CIRBP: variants seen among roughly 807,000 people sequenced by gnomAD.
CIRBP encodes the protein cold inducible RNA binding protein.
In CIRBP, 11 loss-of-function variants were observed where a neutral mutation model predicts 22.3. That is an observed-to-expected ratio of 0.49 (90% confidence interval 0.31 to 0.82). The LOEUF is 0.82. CIRBP is among the 40% of genes least tolerant of loss of function. The pLI, the probability that CIRBP is intolerant of heterozygous loss-of-function variation, is 0.05. For missense variants in CIRBP, 456 were observed against 402.7 expected, an observed-to-expected ratio of 1.13 and a Z score of -1.13; for synonymous variants, 216 against 158.8, an observed-to-expected ratio of 1.36 and a Z score of -2.71.
At position 1,274,603 on chromosome 19, in the gene CIRBP, C is replaced by A; in HGVS notation, c.*2160C>A. 1 of 294,984 alleles carries A rather than the reference C, an allele frequency of 3.4e-6. No individual in the cohort carries two copies. Among genetic ancestry groups the A allele is most frequent in the Non-Finnish European group, 6.2e-6 (1 of 160,256 alleles). 18.3% of individuals were successfully genotyped at this position (294,984 alleles called of 1,614,324 possible). A position where few individuals can be genotyped will look rare whatever the true frequency, so the allele number is the denominator to read the frequency against. ...CGCCTCCCGGGAGCGCCGGGTCCCCCGCCTGGAGCCCGCGCCTGTTCTCCC... is the reference window on the plus strand; with the variant it reads ...CGCCTCCCGGGAGCGCCGGGTCCCCAGCCTGGAGCCCGCGCCTGTTCTCCC... On this transcript the variant is annotated 3_prime_UTR_variant, in exon 6 of 6. Transcript: ENST00000587896.
intron 1 of CIRBP, 50 bp from the exon 2 acceptor site, chr19:1,270,878 A>T: frequency 9.3e-7 from 1 of 1,079,792 alleles, no homozygotes; most frequent in Non-Finnish European, 1.4e-6. Context: ...AAGCGGGGAG[A>T]GGTGGTGAGA....
Position 1,272,181 on chromosome 19 carries a change from A to G in CIRBP, c.632A>G (p.His211Arg), listed in dbSNP as rs756835485. ...CACTGTGCTTGCCCAGAAGAGGCGC[A>G]TCTGTCCTCTCAGAGCCATTTCTAT... ...PCHCACPEEA[H>R]LSSQSHFYRR... Residue 211 changes from histidine to arginine, a missense_variant, in exon 6 of 6, where the codon CAT becomes CGT. By Grantham distance (29) the His-to-Arg change is conservative (BLOSUM62 0). Around this residue, in one of 2 missense-constraint regions of CIRBP, gnomAD observed 426 missense variants for 339.6 expected, o/e 1.25. Coordinates refer to ENST00000587896, the MANE Select transcript of CIRBP (RefSeq NM_001300829.2). 6 of 1,600,938 alleles carry G rather than the reference A, an allele frequency of 3.7e-6. No homozygotes were observed. The highest frequency in any genetic ancestry group is 5.1e-6 in the Non-Finnish European group (6 of 1,174,350).
chr19:1,269,672 C>T (rs1382741890), intron 1 of CIRBP, among the ~76,000 whole-genome samples: 1 of 151,848 alleles, frequency 6.6e-6, no homozygotes, highest in African/African-American at 2.4e-5. Flanking sequence ...AGCGAAATGG[C>T]GGGAGCGCCG....
rs2081384740 is a variant in CIRBP at position 1,274,093 on chromosome 19, C to G, written c.*1650C>G. The G allele has an allele frequency of 2.6e-6, 1 of 386,872 alleles. No homozygotes were observed. Among genetic ancestry groups the G allele is most frequent in the Admixed American group, 4.5e-5 (1 of 22,306 alleles). The allele number at this position is 386,872 out of a possible 1,614,324, so 24.0% of individuals were successfully genotyped here. On this transcript the variant is annotated 3_prime_UTR_variant, in exon 6 of 6. Coordinates refer to ENST00000587896, the MANE Select transcript of CIRBP (RefSeq NM_001300829.2). ...AGTTTTTTTCTAGAGCCCACACTGG[C>G]CCACATAGCTCCATCCCATACGGGT...
In CIRBP at chr19:1,272,260, GC is replaced by G; in HGVS notation, c.714del (p.Ala239LeufsTer36). The G allele has an allele frequency of 1.2e-6, 2 of 1,610,260 alleles. No individual in the cohort carries two copies. The highest frequency in any genetic ancestry group is 1.7e-4 in the Middle Eastern group (1 of 6,056). ...ACCAAAAAGGCAAGGGAGAGCGAGG[GC>G]CCGCTGGGCAGTCAGCTAGGTGCAT... Reference protein sequence around the residue: ...TDQKGKGERGPAGQSARCMCG... With the variant: ...TDQKGKGERGXAGQSARCMCG... On this transcript the variant is annotated frameshift_variant, in exon 6 of 6. Coordinates refer to ENST00000587896, the MANE Select transcript of CIRBP (RefSeq NM_001300829.2). LOFTEE classifies it low-confidence loss of function (END_TRUNC).
intron 5 of CIRBP, 79 bp from the exon 6 acceptor site, chr19:1,271,902 G>A: frequency 2.3e-6 from 3 of 1,298,594 alleles, no homozygotes; most frequent in Admixed American, 3.7e-5. Context: ...GCTGGCATGG[G>A]GGCTGGCGGC....
At chr19:1,270,402 G>A (rs897523312) in intron 1 of CIRBP, among the ~76,000 whole-genome samples, 1 of 152,192 alleles carries the variant, frequency 6.6e-6, no homozygotes, top group African/African-American at 2.4e-5. Flanking sequence ...GGGGAAGGGA[G>A]ACACCCATTG....
chr19:1,272,992 C>A lies in CIRBP; in HGVS notation c.*549C>A, dbSNP rs951753389. The A allele has an allele frequency of 6.5e-6, 1 of 153,250 alleles. No individual in the cohort carries two copies. The highest frequency in any genetic ancestry group is 6.5e-5 in the Admixed American group (1 of 15,420). The allele number at this position is 153,250 out of a possible 1,614,324, so 9.5% of individuals were successfully genotyped here. On this transcript the variant is annotated 3_prime_UTR_variant, in exon 6 of 6. Transcript: ENST00000587896. Reference sequence around the variant, plus strand: ...AGCCCCTGCGTCCATCTGTGCTGTGCGCCCCACAGTAGACGTGCAGACGTC... The same window carrying A: ...AGCCCCTGCGTCCATCTGTGCTGTGAGCCCCACAGTAGACGTGCAGACGTC...
rs2081354312 is a variant in CIRBP, at chr19:1,272,213, A to T, written c.664A>T (p.Thr222Ser). The change falls in exon 6 of 6, where the codon ACG becomes TCG. Residue 222 changes from threonine (T) to serine (S), a missense_variant. Physicochemically the swap from Thr to Ser is moderately conservative, Grantham distance 58. Coordinates refer to ENST00000587896, the MANE Select transcript of CIRBP (RefSeq NM_001300829.2). ...LSSQSHFYRR[T>S]QKPNETDQKG... is the part of the protein sequence containing the mutation. ...CTCTCAGAGCCATTTCTATCGCAGGACGCAAAAGCCAAATGAGACTGACCA... is the reference window on the plus strand; with the variant it reads ...CTCTCAGAGCCATTTCTATCGCAGGTCGCAAAAGCCAAATGAGACTGACCA... 6.3e-7 allele frequency: 1 copy of T among 1,594,254 alleles called. No individual in the cohort carries two copies. The highest frequency in any genetic ancestry group is 1.1e-5 in the South Asian group (1 of 90,028).
intron 1 of CIRBP, chr19:1,269,712 C>T (rs1337565063): frequency 8.4e-6 from 3 of 355,264 alleles, no homozygotes; most frequent in Non-Finnish European, 1.7e-5. Flanking sequence ...GCAGGGTGCG[C>T]GCGGGGCGCA....
rs1211175185 is a variant in CIRBP at position 1,272,028 on chromosome 19, A to T, written c.479A>T (p.Tyr160Phe). 6.2e-7 allele frequency: 1 copy of T among 1,614,000 alleles called. No homozygotes were observed. The highest frequency in any genetic ancestry group is 1.7e-5 in the Admixed American group (1 of 60,010). ...GYSDRSSGGS[Y>F]RDSYDSYGKS... ...AGTGACCGGAGCTCGGGCGGGTCCT[A>T]CAGAGACAGTTATGACAGTTACGGT... The change falls in exon 6 of 6, where the codon TAC (tyrosine) becomes TTC (phenylalanine). Residue 160 changes from tyrosine (Y) to phenylalanine (F), a missense_variant. Coordinates refer to ENST00000587896, the MANE Select transcript of CIRBP (RefSeq NM_001300829.2).
chr19:1,271,400 T>C lies in CIRBP; in HGVS notation c.282T>C (p.Arg94=), dbSNP rs1245475693. Residue 94 remains arginine (R), a synonymous_variant, in exon 4 of 6, where the codon CGT becomes CGC. Transcript: ENST00000587896. ...KSSDNRSRGY[R]GGSAGGRGFF... ...CAGACAACCGATCCCGTGGGTACCG[T>C]GGTGGCTCTGCCGGGGGCCGGGGCT... The C allele has an allele frequency of 1.9e-6, 3 of 1,613,620 alleles. No homozygotes were observed. In the Admixed American group the frequency reaches 5.0e-5, roughly 27 times the overall value.
chr19:1,272,340 G>A lies in CIRBP; in HGVS notation c.791G>A (p.Arg264His), dbSNP rs148277498. 38 of 1,613,492 alleles carry A rather than the reference G, an allele frequency of 2.4e-5. No homozygotes were observed. The highest frequency in any genetic ancestry group is 1.9e-4 in the African/African-American group (14 of 75,048). ...TGTGGGGGGTGGTTGCTCCCCGGCC[G>A]CAGGCCGCGCCCTGGTCTGGCCTCT... ...LGCGGWLLPG[R>H]RPRPGLASGV... is the part of the protein sequence containing the mutation. The change falls in exon 6 of 6, where the codon CGC becomes CAC. Residue 264 changes from arginine (R) to histidine (H), a missense_variant. Physicochemically the swap from Arg to His is conservative, Grantham distance 29. Around this residue, in one of 2 missense-constraint regions of CIRBP, gnomAD observed 426 missense variants for 339.6 expected, o/e 1.25. Coordinates refer to ENST00000587896, the MANE Select transcript of CIRBP (RefSeq NM_001300829.2).
chr19:1,270,999 G>A lies in CIRBP; in HGVS notation c.66G>A (p.Leu22=). ...GTTTTGACACCAATGAGCAGTCGCT[G>A]GAGCAGGTCTTCTCAAAGTACGGAC... ...GLSFDTNEQS[L]EQVFSKYGQI... Residue 22 remains leucine (L), a synonymous_variant, in exon 2 of 6, where the codon CTG becomes CTA. Coordinates refer to ENST00000587896, the MANE Select transcript of CIRBP (RefSeq NM_001300829.2). 6.2e-7 allele frequency: 1 copy of A among 1,614,066 alleles called. No homozygotes were observed. Among genetic ancestry groups the A allele is most frequent in the Non-Finnish European group, 8.5e-7 (1 of 1,180,012 alleles).
Position 1,270,965 on chromosome 19 carries a change from G to T in CIRBP, c.32G>T (p.Gly11Val). The T allele has an allele frequency of 6.2e-7, 1 of 1,614,080 alleles. No homozygotes were observed. Among genetic ancestry groups the T allele is most frequent in the Middle Eastern group, 1.6e-4 (1 of 6,062 alleles). MASDEGKLFV[G>V]GLSFDTNEQS... is the part of the protein sequence containing the mutation. ...TCAGATGAAGGCAAACTTTTTGTTGGAGGGCTGAGTTTTGACACCAATGAG... is the reference window on the plus strand; with the variant it reads ...TCAGATGAAGGCAAACTTTTTGTTGTAGGGCTGAGTTTTGACACCAATGAG... The change falls in exon 2 of 6, where the codon GGA becomes GTA. Residue 11 changes from glycine to valine, a missense_variant. Around this residue, in one of 2 missense-constraint regions of CIRBP, gnomAD observed 30 missense variants for 63.1 expected, o/e 0.48. Coordinates refer to ENST00000587896, the MANE Select transcript of CIRBP (RefSeq NM_001300829.2).
At chr19:1,270,847 A>T in intron 1 of CIRBP, 81 bp from the exon 2 acceptor site, 1 of 884,232 alleles carries the variant, frequency 1.1e-6, no homozygotes, top group Non-Finnish European at 1.9e-6. Context: ...TAAAAAACAC[A>T]TGTCATTTAC....
chr19:1,271,291 G>T (rs768061355), intron 3 of CIRBP, 38 bp from the exon 4 acceptor site: 1 of 1,613,996 alleles, frequency 6.2e-7, no homozygotes, highest in Non-Finnish European at 8.5e-7. Flanking sequence ...CGAGGATGGG[G>T]CACCCACCTG....
rs978296765 is a variant in CIRBP at position 1,274,233 on chromosome 19, T to C, written c.*1790T>C. The C allele has an allele frequency of 2.5e-6, 1 of 400,638 alleles. No individual in the cohort carries two copies. The highest frequency in any genetic ancestry group is 4.4e-6 in the Non-Finnish European group (1 of 226,080). 24.8% of individuals were successfully genotyped at this position (400,638 alleles called of 1,614,324 possible). ...AGACCTTCCTAGGGGCTGTGGCTGT[T>C]TCCGGGGAGGCCGGGAGGGGCAGCT... On this transcript the variant is annotated 3_prime_UTR_variant, in exon 6 of 6. Transcript: ENST00000587896.
chr19:1,274,407 G>A lies in CIRBP; in HGVS notation c.*1964G>A, dbSNP rs1043730556. ...AGGGACTTCACCTGGAACAAGAGCT[G>A]GAGGCAGCCGCTTGCCCAGGAGGCT... On this transcript the variant is annotated 3_prime_UTR_variant, in exon 6 of 6. Coordinates refer to ENST00000587896, the MANE Select transcript of CIRBP (RefSeq NM_001300829.2). 4.5e-5 allele frequency: 18 copies of A among 400,442 alleles called. No homozygotes were observed. The highest frequency in any genetic ancestry group is 3.5e-5 in the Non-Finnish European group (8 of 226,012). The allele number at this position is 400,442 out of a possible 1,614,324, so 24.8% of individuals were successfully genotyped here. A position where few individuals can be genotyped will look rare whatever the true frequency, so the allele number is the denominator to read the frequency against.
Sources: gnomAD v4.1 joint callset for allele counts (sites outside exome capture counted in the v4.1 genomes callset) on GRCh38, gnomAD v4.1.1 for gene constraint, gnomAD v4.1.1 regional missense constraint, MANE v1.5 for transcripts, NCBI Gene and HGNC (gene_info 2026-07-23, HGNC 2026-07-21) for gene names.